SLC38A12: variants seen among roughly 807,000 people sequenced by gnomAD.
SLC38A12 encodes the protein putative sodium-coupled neutral amino acid transporter 12.
At chr17:74,811,914 C>G in the SLC38A12 span, among the ~76,000 whole-genome samples, 1 of 151,848 alleles carries the variant, frequency 6.6e-6, no homozygotes, top group African/African-American at 2.4e-5. Context: ...AATGTGGTGG[C>G]ATGCATTTGT....
At chr17:74,784,504 G>A in the SLC38A12 span, among the ~76,000 whole-genome samples, 1 of 152,082 alleles carries the variant, frequency 6.6e-6, no homozygotes, top group African/African-American at 2.4e-5. Context: ...CAGAAAGGTT[G>A]ATACTAAGAG....
chr17:74,790,063 C>T, the SLC38A12 span: 2 of 655,856 alleles, frequency 3.0e-6, no homozygotes, highest in South Asian at 1.7e-5. Flanking sequence ...AGGTGATCCT[C>T]CCATCTCAGC....
At chr17:74,832,548 C>G in the SLC38A12 span, among the ~76,000 whole-genome samples, 5 of 152,278 alleles carry the variant, frequency 3.3e-5, no homozygotes, top group Admixed American at 2.6e-4. Flanking sequence ...GCCTCTCCCC[C>G]TCCTGGTGTG....
chr17:74,810,243 C>T, the SLC38A12 span, among the ~76,000 whole-genome samples: 1 of 152,222 alleles, frequency 6.6e-6, no homozygotes, highest in Admixed American at 6.5e-5. Context: ...ATAGAGCTGG[C>T]CTCTAATGCA....
At chr17:74,826,860 T>C in the SLC38A12 span, among the ~76,000 whole-genome samples, 1 of 152,094 alleles carries the variant, frequency 6.6e-6, no homozygotes, top group African/African-American at 2.4e-5. Context: ...TAAAAGATGC[T>C]GGCGGTGGTG....
the SLC38A12 span, among the ~76,000 whole-genome samples, chr17:74,832,007 A>G: frequency 6.6e-6 from 1 of 152,134 alleles, no homozygotes; most frequent in African/African-American, 2.4e-5. Context: ...GGATGTGGCG[A>G]TCAATCTAGG....
At chr17:74,834,254 CT>C in the SLC38A12 span, among the ~76,000 whole-genome samples, 220 of 152,170 alleles carry the variant, frequency 1.4e-3, no homozygotes, top group Non-Finnish European at 2.6e-3. Context: ...GAAGGAGGAA[CT>C]AGGTCGCCGC....
At chr17:74,834,233 G>A in the SLC38A12 span, among the ~76,000 whole-genome samples, 1 of 152,086 alleles carries the variant, frequency 6.6e-6, no homozygotes, top group Admixed American at 6.5e-5. Context: ...CAGCTCCCTG[G>A]GCTGAGACTG....
the SLC38A12 span, chr17:74,777,396 C>A: frequency 1.2e-6 from 2 of 1,614,002 alleles, no homozygotes; most frequent in African/African-American, 2.7e-5. Context: ...CTTATAGAAC[C>A]TTTTGCTCAC....
the SLC38A12 span, chr17:74,795,687 G>A: frequency 2.6e-5 from 37 of 1,401,978 alleles, no homozygotes; most frequent in Non-Finnish European, 3.5e-5. Flanking sequence ...ACAGCTGAGG[G>A]CATTTGAAGT....
chr17:74,788,929 C>T, the SLC38A12 span: 114 of 1,506,436 alleles, frequency 7.6e-5, no homozygotes, highest in Non-Finnish European at 9.2e-5. Context: ...ACCCAGCAGG[C>T]GGTCTCAGCA....
chr17:74,838,937 G>A, the SLC38A12 span: 1 of 1,535,658 alleles, frequency 6.5e-7, no homozygotes, highest in African/African-American at 1.4e-5. Flanking sequence ...TGCCAGCCCA[G>A]CCTGGCCCAG....
At chr17:74,823,970 G>C in the SLC38A12 span, among the ~76,000 whole-genome samples, 2 of 152,264 alleles carry the variant, frequency 1.3e-5, no homozygotes, top group Admixed American at 1.3e-4. Flanking sequence ...GTGTGCAGAG[G>C]GGGCCACGGT....
chr17:74,817,477 G>A, the SLC38A12 span, among the ~76,000 whole-genome samples: 130 of 152,250 alleles, frequency 8.5e-4, no homozygotes, highest in African/African-American at 3.1e-3. Flanking sequence ...AACACTAAGC[G>A]GATATGAACC....
chr17:74,837,580 C>G, the SLC38A12 span: 2 of 985,484 alleles, frequency 2.0e-6, no homozygotes, highest in Non-Finnish European at 2.4e-6. Flanking sequence ...CCCACCCTGA[C>G]AATGGTCAGG....
At chr17:74,832,516 G>A in the SLC38A12 span, among the ~76,000 whole-genome samples, 4 of 152,344 alleles carry the variant, frequency 2.6e-5, 1 homozygote, top group South Asian at 8.3e-4. Context: ...TGTCCTTCCC[G>A]GATATGCTCC....
At chr17:74,787,201 G>A in the SLC38A12 span, among the ~76,000 whole-genome samples, 1 of 152,176 alleles carries the variant, frequency 6.6e-6, no homozygotes, top group Non-Finnish European at 1.5e-5. Flanking sequence ...TTTAACTGGT[G>A]TGGGGCCAAG....
the SLC38A12 span, among the ~76,000 whole-genome samples, chr17:74,828,186 C>T: frequency 2.6e-5 from 4 of 152,212 alleles, no homozygotes; most frequent in African/African-American, 7.2e-5. Context: ...ACATGGGGAG[C>T]AGGGAATGGC....
the SLC38A12 span, among the ~76,000 whole-genome samples, chr17:74,835,241 A>G: frequency 1.3e-5 from 2 of 152,330 alleles, no homozygotes; most frequent in South Asian, 4.1e-4. Flanking sequence ...CCTCGGTGTC[A>G]GCAGCTCAGG....
Sources: allele counts gnomAD v4.1 joint callset (sites outside exome capture counted in the v4.1 genomes callset), GRCh38; gene constraint gnomAD v4.1.1; transcripts MANE v1.5; gene names NCBI Gene and HGNC (gene_info 2026-07-23, HGNC 2026-07-21).